The following NDEL1 variants were observed in gnomAD, a reference collection of about 807,000 sequenced individuals.
The protein encoded by NDEL1 is nuclear distribution protein nudE-like 1.
A neutral mutation model predicts 45.7 loss-of-function variants in NDEL1; 9 were observed. The observed-to-expected ratio is 0.20, with a 90% CI of 0.12 to 0.34. The LOEUF is 0.34. Among genes scored for constraint, NDEL1 ranks in the 10% least tolerant of loss-of-function variants. The probability of loss-of-function intolerance (pLI) is 1.00; values close to 1 mark genes in which losing one functional copy is unlikely to be tolerated. For missense variants in NDEL1, 306 were observed against 406.2 expected, an observed-to-expected ratio of 0.75 and a Z score of 2.12; for synonymous variants, 133 against 158.6, an observed-to-expected ratio of 0.84 and a Z score of 1.21.
intron 4 of NDEL1, among the ~76,000 whole-genome samples, chr17:8,448,055 G>A (rs181054972): frequency 1.3e-5 from 2 of 152,152 alleles, no homozygotes; most frequent in African/African-American, 4.8e-5. Context: ...GCAAATGTCT[G>A]AGTGGTTGCA....
chr17:8,421,788 C>G (rs1008206927), intron 1 of NDEL1, among the ~76,000 whole-genome samples: 1 of 152,300 alleles, frequency 6.6e-6, no homozygotes, highest in East Asian at 1.9e-4. Flanking sequence ...TAAGACTATC[C>G]TTAGTCATTA....
intron 1 of NDEL1, among the ~76,000 whole-genome samples, chr17:8,426,134 T>G (rs1908825139): frequency 6.6e-6 from 1 of 152,198 alleles, no homozygotes; most frequent in African/African-American, 2.4e-5. Flanking sequence ...TCTTTTTGTT[T>G]TTTCATTTTT....
intron 1 of NDEL1, among the ~76,000 whole-genome samples, chr17:8,425,936 T>C (rs1037677754): frequency 4.6e-5 from 7 of 152,102 alleles, no homozygotes; most frequent in African/African-American, 1.7e-4. Context: ...GGATTACAAA[T>C]GTAAGCCACC....
intron 7 of NDEL1, among the ~76,000 whole-genome samples, chr17:8,459,765 A>G (rs550512668): frequency 7.7e-4 from 117 of 152,280 alleles, no homozygotes; most frequent in African/African-American, 2.7e-3. Context: ...TTGTAAGGGG[A>G]AGATTATATG....
chr17:8,442,851 G>T (rs1018378557), intron 1 of NDEL1, among the ~76,000 whole-genome samples: 1 of 141,968 alleles, frequency 7.0e-6, no homozygotes, highest in Non-Finnish European at 1.5e-5. Flanking sequence ...GTGCAGTGGC[G>T]CAATCTTGGC....
At position 8,450,758 on chromosome 17, in the gene NDEL1, C is replaced by T. The variant is rs778264615; in HGVS notation, c.527-22C>T. 4 of 1,593,060 alleles carry T rather than the reference C, an allele frequency of 2.5e-6. No individual in the cohort carries two copies. The Admixed American group carries it at 5.4e-5, about 21-fold the overall frequency. On this transcript the variant is annotated intron_variant, in intron 5 of 8. Transcript: ENST00000334527. ...TGCTCCCTCTAGTGAGTATTCCTGC[C>T]CTTGTTTGCAATATTTTACAGATTT...
chr17:8,450,450 C>T (rs962969356), intron 5 of NDEL1, among the ~76,000 whole-genome samples: 1 of 152,126 alleles, frequency 6.6e-6, no homozygotes, highest in Non-Finnish European at 1.5e-5. Context: ...AACCCCAAAA[C>T]TACATCATTT....
intron 6 of NDEL1, among the ~76,000 whole-genome samples, chr17:8,452,697 CTTTT>C (rs1238431729): frequency 5.0e-5 from 7 of 141,290 alleles, no homozygotes; most frequent in Non-Finnish European, 7.8e-5. Flanking sequence ...CTCTTTCTTT[CTTTT>C]TCTTTCTTCC....
At position 8,436,050 on chromosome 17, in the gene NDEL1, G is replaced by A. The variant is rs898150382; in HGVS notation, c.-13+5G>A. The A allele has an allele frequency of 6.9e-6, 3 of 436,094 alleles. No homozygotes were observed. Among genetic ancestry groups the A allele is most frequent in the South Asian group, 4.8e-5 (3 of 62,686 alleles). The allele number at this position is 436,094 out of a possible 1,614,324, so 27.0% of individuals were successfully genotyped here. A position where few individuals can be genotyped will look rare whatever the true frequency, so the allele number is the denominator to read the frequency against. On this transcript the variant is annotated splice_donor_5th_base_variant and intron_variant, in intron 1 of 8. Transcript: ENST00000334527. The stretch of plus-strand genomic sequence containing the variant: ...TGCGCTTTTGACACATTGGAGGTGA[G>A]CCTGCAGCGCGGGGCCGCTCCCTAA...
chr17:8,471,677 G>C (rs559120004), downstream of NDEL1, among the ~76,000 whole-genome samples: 1 of 152,330 alleles, frequency 6.6e-6, no homozygotes, highest in South Asian at 2.1e-4. Context: ...TGTAGCTATA[G>C]TGAATGCCTT....
At chr17:8,417,627 T>C (rs764050609) in intron 1 of NDEL1, among the ~76,000 whole-genome samples, 8 of 152,150 alleles carry the variant, frequency 5.3e-5, no homozygotes, top group Admixed American at 3.9e-4. Context: ...GTCCAAATGA[T>C]TGGGAACCCC....
intron 6 of NDEL1, among the ~76,000 whole-genome samples, chr17:8,451,578 C>T (rs1003140567): frequency 3.9e-5 from 6 of 152,112 alleles, no homozygotes; most frequent in East Asian, 1.9e-4. Context: ...AAGCATTGTT[C>T]GGAGTAATTG....
rs1199557264 is a variant in NDEL1, at chr17:8,467,470, T to G, written c.*447T>G. 1.1e-5 allele frequency: 4 copies of G among 378,748 alleles called. No homozygotes were observed. In the East Asian group the frequency reaches 1.1e-4, roughly 11 times the overall value. The allele number at this position is 378,748 out of a possible 1,614,324, so 23.5% of individuals were successfully genotyped here. A position where few individuals can be genotyped will look rare whatever the true frequency, so the allele number is the denominator to read the frequency against. On this transcript the variant is annotated 3_prime_UTR_variant, in exon 9 of 9. Coordinates refer to ENST00000334527, the MANE Select transcript of NDEL1 (RefSeq NM_030808.5). The surrounding 1 kb of genome is among the most constrained non-coding windows in gnomAD (Gnocchi z 6.3). ...GCTCCCACCCAGGCATCTCCAGTGC[T>G]CATGATCATGTGTCCCCCAACTCCA...
intron 1 of NDEL1, among the ~76,000 whole-genome samples, chr17:8,420,789 A>G (rs77320373): frequency 2.0e-5 from 3 of 152,342 alleles, no homozygotes; most frequent in East Asian, 3.9e-4. Context: ...TGAATCATCA[A>G]TGTTAGGGAT....
At chr17:8,433,017 C>T (rs1909055929), upstream of NDEL1, among the ~76,000 whole-genome samples, 1 of 152,022 alleles carries the variant, frequency 6.6e-6, no homozygotes, top group African/African-American at 2.4e-5. Context: ...TTTGACTGGA[C>T]TACTTCCATC....
downstream of NDEL1, among the ~76,000 whole-genome samples, chr17:8,470,663 T>C (rs939263397): frequency 2.6e-5 from 4 of 152,206 alleles, no homozygotes; most frequent in Admixed American, 1.3e-4. The surrounding 1 kb of genome is among the most constrained non-coding windows in gnomAD (Gnocchi z 4.2). Context: ...GGCTAATTCA[T>C]GGTGAAGCCA....
intron 2 of NDEL1, 47 bp from the exon 3 acceptor site, chr17:8,445,664 T>C (rs771799989): frequency 6.4e-7 from 1 of 1,570,306 alleles, no homozygotes; most frequent in Non-Finnish European, 8.6e-7. Context: ...AAGACAATCC[T>C]TGTGGTTCTT....
intron 6 of NDEL1, among the ~76,000 whole-genome samples, chr17:8,453,067 A>G (rs1910622215): frequency 6.6e-6 from 1 of 152,194 alleles, no homozygotes. Flanking sequence ...AAAGCATTTA[A>G]AGCAACTTAC....
At chr17:8,436,713 C>T (rs1909369931) in intron 1 of NDEL1, 1 of 152,360 alleles carries the variant, frequency 6.6e-6, no homozygotes. Flanking sequence ...TCTGTCACCA[C>T]TGATTATTAC....
Sources: allele counts gnomAD v4.1 joint callset (sites outside exome capture counted in the v4.1 genomes callset), GRCh38; gene constraint gnomAD v4.1.1; non-coding constraint Gnocchi (gnomAD v3.1); transcripts MANE v1.5; gene names NCBI Gene and HGNC (gene_info 2026-07-23, HGNC 2026-07-21).